Variants in EPHB1 observed in about 807,000 individuals in gnomAD.
EPHB1 encodes the protein ephrin type-B receptor 1.
Under a neutral mutation model 94.4 loss-of-function variants are expected in EPHB1, and 30 were observed. That is an observed-to-expected ratio of 0.32 (90% CI 0.24 to 0.43). The LOEUF (loss-of-function observed/expected upper bound fraction) is 0.43. Ranked by LOEUF, EPHB1 falls within the 20% of genes least tolerant of loss-of-function variation. The pLI is 1.00. For synonymous variants in EPHB1, 522 were observed against 489.1 expected, an observed-to-expected ratio of 1.07 and a Z score of -0.89; for missense variants, 1,055 against 1,308.3, an observed-to-expected ratio of 0.81 and a Z score of 2.99.
At chr3:134,932,558 C>T (rs1416956522) in intron 2 of EPHB1, among the ~76,000 whole-genome samples, 2 of 152,232 alleles carry the variant, frequency 1.3e-5, no homozygotes, top group African/African-American at 4.8e-5. Context: ...CACTCCCTGC[C>T]TGTGTGATCT....
chr3:134,910,344 C>G (rs1345884132), intron 1 of EPHB1, among the ~76,000 whole-genome samples: 4 of 152,184 alleles, frequency 2.6e-5, no homozygotes, highest in East Asian at 1.9e-4. Context: ...TGTGGAAAAC[C>G]AGGACACCTC....
chr3:135,155,898 G>C (rs569628808), intron 6 of EPHB1, among the ~76,000 whole-genome samples: 1 of 152,056 alleles, frequency 6.6e-6, no homozygotes, highest in African/African-American at 2.4e-5. Context: ...ATTTTGGATG[G>C]ATCATTTAAG....
chr3:135,005,966 G>A (rs1012119879), intron 3 of EPHB1, among the ~76,000 whole-genome samples: 14 of 152,132 alleles, frequency 9.2e-5, no homozygotes, highest in Non-Finnish European at 1.8e-4. Flanking sequence ...TTCCTATTCG[G>A]CCATCTTGGC....
chr3:135,122,628 G>A (rs573808086), intron 4 of EPHB1, among the ~76,000 whole-genome samples: 4 of 150,708 alleles, frequency 2.7e-5, no homozygotes, highest in Non-Finnish European at 5.9e-5. Context: ...GGCTTCTGCA[G>A]CCTCAAGGAA....
intron 10 of EPHB1, among the ~76,000 whole-genome samples, chr3:135,190,801 T>A (rs1163632398): frequency 6.6e-6 from 1 of 152,164 alleles, no homozygotes; most frequent in Non-Finnish European, 1.5e-5. Flanking sequence ...GCCAAACATA[T>A]AATAATAAAT....
chr3:134,829,924 A>G (rs1297118690), intron 1 of EPHB1, among the ~76,000 whole-genome samples: 1 of 152,206 alleles, frequency 6.6e-6, no homozygotes, highest in African/African-American at 2.4e-5. Context: ...ATCAGAAGCT[A>G]GAAGAGAGGC....
At chr3:134,913,992 T>A (rs2038512140) in intron 1 of EPHB1, among the ~76,000 whole-genome samples, 1 of 152,108 alleles carries the variant, frequency 6.6e-6, no homozygotes, top group South Asian at 2.1e-4. Flanking sequence ...GCATGGTGTA[T>A]GTGGGGAGGT....
At chr3:135,240,229 G>C (rs1246379191) in intron 12 of EPHB1, among the ~76,000 whole-genome samples, 1 of 152,152 alleles carries the variant, frequency 6.6e-6, no homozygotes, top group Non-Finnish European at 1.5e-5. Context: ...TGTTCAGCTT[G>C]AGGGCAGGGA....
chr3:134,797,801 C>T (rs759120207), intron 1 of EPHB1, among the ~76,000 whole-genome samples: 5 of 152,290 alleles, frequency 3.3e-5, no homozygotes, highest in East Asian at 1.9e-4. Flanking sequence ...AGGAGCCTGA[C>T]TCTGTGGGCT....
At chr3:135,128,311 G>C (rs1443035854) in intron 4 of EPHB1, among the ~76,000 whole-genome samples, 3 of 152,262 alleles carry the variant, frequency 2.0e-5, no homozygotes, top group Non-Finnish European at 2.9e-5. Context: ...CTCCCTGCAA[G>C]AGTAGGGCTC....
chr3:135,229,349 G>A (rs751144597), intron 12 of EPHB1, among the ~76,000 whole-genome samples: 2 of 152,296 alleles, frequency 1.3e-5, no homozygotes, highest in South Asian at 2.1e-4. Flanking sequence ...GATTGTTTGC[G>A]GGAGAAACCA....
chr3:135,073,334 A>G (rs1220326905), intron 3 of EPHB1, among the ~76,000 whole-genome samples: 1 of 152,194 alleles, frequency 6.6e-6, no homozygotes, highest in Non-Finnish European at 1.5e-5. Context: ...AGAGTTCACA[A>G]AAGTATTTTT....
At chr3:135,119,045 G>A (rs563171116) in intron 4 of EPHB1, among the ~76,000 whole-genome samples, 1 of 152,258 alleles carries the variant, frequency 6.6e-6, no homozygotes, top group Non-Finnish European at 1.5e-5. Flanking sequence ...GCCTGATGAT[G>A]CTATCAAGAC....
chr3:135,058,673 C>T (rs568488843), intron 3 of EPHB1, among the ~76,000 whole-genome samples: 3 of 152,316 alleles, frequency 2.0e-5, no homozygotes, highest in Admixed American at 2.0e-4. Context: ...TGAAGCTTTA[C>T]CTGTTCCTTC....
At position 135,181,278 on chromosome 3, in the gene EPHB1, C is replaced by T. The variant is rs562828371; in HGVS notation, c.1882+1296C>T. Among the ~76,000 whole-genome samples the T allele has an allele frequency of 3.3e-5, 5 of 152,344 alleles. No homozygotes were observed. The East Asian group carries it at 9.6e-4, about 29-fold the overall frequency. On this transcript the variant is annotated intron_variant, in intron 10 of 15. Transcript: ENST00000398015. The stretch of plus-strand genomic sequence containing the variant: ...ACACACCACCTGCTCCCGCCAACCC[C>T]TCAGGAGTTTCAGCTGGGTCACCAG...
intron 1 of EPHB1, among the ~76,000 whole-genome samples, chr3:134,818,841 C>T (rs1213467200): frequency 3.9e-5 from 6 of 152,216 alleles, no homozygotes; most frequent in Non-Finnish European, 2.9e-5. Flanking sequence ...TAAACATGCA[C>T]GTGCAAGTGT....
intron 3 of EPHB1, among the ~76,000 whole-genome samples, chr3:135,033,083 C>A (rs990172816): frequency 2.0e-5 from 3 of 152,024 alleles, no homozygotes; most frequent in African/African-American, 4.8e-5. Context: ...GGTAAAAGTC[C>A]ATCTCCCTGA....
intron 7 of EPHB1, among the ~76,000 whole-genome samples, chr3:135,165,212 C>G (rs1941617902): frequency 6.6e-6 from 1 of 152,154 alleles, no homozygotes; most frequent in Admixed American, 6.5e-5. Context: ...TATGATAGAG[C>G]AGACAGGGTG....
intron 1 of EPHB1, among the ~76,000 whole-genome samples, chr3:134,910,646 A>T (rs2038432441): frequency 6.6e-6 from 1 of 152,224 alleles, no homozygotes; most frequent in African/African-American, 2.4e-5. Context: ...AAGAAGGGGT[A>T]GAATGGCAAA....
Sources: gnomAD v4.1 joint callset for allele counts (sites outside exome capture counted in the v4.1 genomes callset) on GRCh38, gnomAD v4.1.1 for gene constraint, MANE v1.5 for transcripts, NCBI Gene and HGNC (gene_info 2026-07-23, HGNC 2026-07-21) for gene names.